Variants in GLI3 observed in about 807,000 individuals in gnomAD.
GLI3 encodes transcription activator GLI3.
GLI3 carries 20 observed loss-of-function variants against 100.8 expected under a neutral mutation model. The observed-to-expected ratio is 0.20, with a 90% CI of 0.14 to 0.29. GLI3 has a LOEUF of 0.29. GLI3 is among the 10% of genes least tolerant of loss of function. The probability of loss-of-function intolerance (pLI) is 1.00; values close to 1 mark genes in which losing one functional copy is unlikely to be tolerated. For synonymous variants in GLI3, 938 were observed against 860.5 expected (o/e 1.09, Z -1.58); for missense variants, 2,040 against 2,128.5 (o/e 0.96, Z 0.82).
At chr7:42,253,897 A>C (rs917957493) in intron 1 of GLI3, among the ~76,000 whole-genome samples, 28 of 152,168 alleles carry the variant, frequency 1.8e-4, no homozygotes, top group Non-Finnish European at 2.8e-4. Context: ...TCTTAAGGCA[A>C]AGGCGAGTCA....
intron 10 of GLI3, among the ~76,000 whole-genome samples, chr7:41,996,099 T>C (rs1036027347): frequency 6.6e-6 from 1 of 152,202 alleles, no homozygotes; most frequent in African/African-American, 2.4e-5. Flanking sequence ...CTTCATACAG[T>C]GGATGGAGAG....
At chr7:42,221,168 T>C (rs1390999038) in intron 2 of GLI3, among the ~76,000 whole-genome samples, 1 of 152,178 alleles carries the variant, frequency 6.6e-6, no homozygotes, top group Non-Finnish European at 1.5e-5. Context: ...GCTGGTCAGA[T>C]TAGTTCTGTT....
chr7:41,971,913 C>T (rs1258655513), intron 13 of GLI3, among the ~76,000 whole-genome samples: 2 of 152,138 alleles, frequency 1.3e-5, no homozygotes, highest in African/African-American at 2.4e-5. Context: ...TCACACTGCA[C>T]GGTATTTGTT....
At position 41,961,595 on chromosome 7, in the gene GLI3, G is replaced by A. The variant is rs896584027; in HGVS notation, c.*2735C>T. 6.6e-6 allele frequency: 1 copy of A among 152,268 alleles called. No individual in the cohort carries two copies. Among genetic ancestry groups the A allele is most frequent in the Non-Finnish European group, 1.5e-5 (1 of 68,044 alleles). 9.4% of individuals were successfully genotyped at this position (152,268 alleles called of 1,614,324 possible). On this transcript the variant is annotated 3_prime_UTR_variant, in exon 15 of 15. Coordinates refer to ENST00000395925, the MANE Select transcript of GLI3 (RefSeq NM_000168.6). The stretch of plus-strand genomic sequence containing the variant: ...AACGTTTAACACAGACATTAAGCAG[G>A]AGTAGAATGTGTGAGCCTGCATGTT...
At chr7:42,206,479 G>A (rs764585734) in intron 2 of GLI3, among the ~76,000 whole-genome samples, 2 of 151,998 alleles carry the variant, frequency 1.3e-5, no homozygotes, top group Non-Finnish European at 2.9e-5. Flanking sequence ...TCTCCATCTT[G>A]TTCCCTTTCC....
chr7:42,141,069 C>A (rs191686767), intron 3 of GLI3, among the ~76,000 whole-genome samples: 3 of 152,278 alleles, frequency 2.0e-5, no homozygotes, highest in Admixed American at 6.5e-5. Flanking sequence ...GATTCATGAT[C>A]CTGAACTGAG....
intron 2 of GLI3, among the ~76,000 whole-genome samples, chr7:42,199,826 C>A (rs573353315): frequency 1.3e-5 from 2 of 152,256 alleles, no homozygotes; most frequent in East Asian, 3.9e-4. Context: ...GAGGTCGAGG[C>A]AGGCGGATCA....
chr7:42,131,544 C>A (rs976185553), intron 3 of GLI3, among the ~76,000 whole-genome samples: 22 of 152,314 alleles, frequency 1.4e-4, no homozygotes, highest in African/African-American at 5.1e-4. Flanking sequence ...AGAATTTCCA[C>A]AACCATAATG....
chr7:42,076,093 A>T (rs1784873985), intron 4 of GLI3, among the ~76,000 whole-genome samples: 1 of 152,252 alleles, frequency 6.6e-6, no homozygotes, highest in Non-Finnish European at 1.5e-5. Flanking sequence ...TTTCCTGGAC[A>T]GTACTACAAA....
chr7:42,124,853 T>C (rs2128773271), intron 3 of GLI3, among the ~76,000 whole-genome samples: 1 of 152,330 alleles, frequency 6.6e-6, no homozygotes, highest in African/African-American at 2.4e-5. Context: ...TTTTCCTAGA[T>C]GATGGTATTT....
intron 3 of GLI3, among the ~76,000 whole-genome samples, chr7:42,096,535 T>C: frequency 6.6e-6 from 1 of 151,370 alleles, no homozygotes. Flanking sequence ...CTCTTGGGAG[T>C]TTCAGCCTGA....
intron 3 of GLI3, among the ~76,000 whole-genome samples, chr7:42,087,433 T>C (rs1207832609): frequency 6.6e-6 from 1 of 152,112 alleles, no homozygotes; most frequent in Non-Finnish European, 1.5e-5. Context: ...GGGCAGTGAG[T>C]AACTTCAGTG....
At chr7:42,055,098 C>CAT (rs1235600825) in intron 4 of GLI3, among the ~76,000 whole-genome samples, 1 of 95,174 alleles carries the variant, frequency 1.1e-5, no homozygotes, top group Non-Finnish European at 2.1e-5. Flanking sequence ...CATATATACA[C>CAT]ATATATGTAT....
chr7:42,227,469 C>T (rs1788604820), intron 1 of GLI3, among the ~76,000 whole-genome samples: 1 of 152,114 alleles, frequency 6.6e-6, no homozygotes, highest in Non-Finnish European at 1.5e-5. Flanking sequence ...ATCCCTGAAC[C>T]TTTTGTAATT....
At chr7:41,995,460 C>T (rs1788099209) in intron 10 of GLI3, among the ~76,000 whole-genome samples, 1 of 152,060 alleles carries the variant, frequency 6.6e-6, no homozygotes, top group South Asian at 2.1e-4. Context: ...CACCTCATCT[C>T]CCACAGGAGG....
rs750703042 is a variant in GLI3 at position 41,972,507 on chromosome 7, C to A, written c.1933G>T (p.Asp645Tyr). The part of the protein sequence containing the change: ...EAHVTKKQRG[D>Y]IHPRPPPPRD... ...GGGGGTGGCGGCCGAGGATGGATGTCCCCTCGCTGCTTCTTGGTGACATGA... is the reference window on the plus strand; with the variant it reads ...GGGGGTGGCGGCCGAGGATGGATGTACCCTCGCTGCTTCTTGGTGACATGA... The change falls in exon 13 of 15, where the codon GAC becomes TAC. Residue 645 changes from aspartate to tyrosine, a missense_variant. Coordinates refer to ENST00000395925, the MANE Select transcript of GLI3 (RefSeq NM_000168.6). The surrounding 1 kb of genome is among the most constrained non-coding windows in gnomAD (Gnocchi z 4.4). The A allele has an allele frequency of 1.2e-5, 19 of 1,613,436 alleles. No homozygotes were observed. Among genetic ancestry groups the A allele is most frequent in the Non-Finnish European group, 1.6e-5 (19 of 1,180,006 alleles).
At chr7:42,013,331 A>T (rs1388990032) in intron 10 of GLI3, among the ~76,000 whole-genome samples, 2 of 152,144 alleles carry the variant, frequency 1.3e-5, no homozygotes, top group Non-Finnish European at 2.9e-5. Flanking sequence ...GATGTATGGA[A>T]CTATTTGCCA....
At chr7:42,075,911 T>A (rs1784869648) in intron 4 of GLI3, among the ~76,000 whole-genome samples, 1 of 152,256 alleles carries the variant, frequency 6.6e-6, no homozygotes. Flanking sequence ...GGAGATGCAA[T>A]CTACCATCTG....
chr7:42,174,480 C>G (rs1043955377), intron 2 of GLI3, among the ~76,000 whole-genome samples: 7 of 152,146 alleles, frequency 4.6e-5, no homozygotes, highest in African/African-American at 1.7e-4. Context: ...ATCCCAAATG[C>G]CTGTTTATTC....
Sources: allele counts gnomAD v4.1 joint callset (sites outside exome capture counted in the v4.1 genomes callset), GRCh38; gene constraint gnomAD v4.1.1; non-coding constraint Gnocchi (gnomAD v3.1); transcripts MANE v1.5; gene names NCBI Gene and HGNC (gene_info 2026-07-23, HGNC 2026-07-21).